IQGAP2: variants seen among roughly 807,000 people sequenced by gnomAD.
The protein encoded by IQGAP2 is IQ motif containing GTPase activating protein 2.
In IQGAP2, 173 loss-of-function variants were observed where a neutral mutation model predicts 201.3. The observed-to-expected ratio is 0.86, with a 90% CI of 0.76 to 0.98. The LOEUF (loss-of-function observed/expected upper bound fraction) is 0.98. Ranked by LOEUF, IQGAP2 falls within the 50% of genes least tolerant of loss-of-function variation. The pLI is 0.00. For missense variants in IQGAP2, 1,687 were observed against 1,864.8 expected (o/e 0.90, Z 1.76); for synonymous variants, 675 against 673.9 (o/e 1.00, Z -0.03).
rs1357669272 is a variant in IQGAP2, at chr5:76,588,246, A to G, written c.459-660A>G. ...TCAGTGATAAAAGTGGGGAAAGCACATATATTTTTTATAGAATTTAGATGC... is the reference window on the plus strand; with the variant it reads ...TCAGTGATAAAAGTGGGGAAAGCACGTATATTTTTTATAGAATTTAGATGC... On this transcript the variant is annotated intron_variant, in intron 5 of 35. Coordinates refer to ENST00000274364, the MANE Select transcript of IQGAP2 (RefSeq NM_006633.5). Among the ~76,000 whole-genome samples the G allele has an allele frequency of 2.0e-5, 3 of 152,210 alleles. No individual in the cohort carries two copies. The East Asian group carries it at 5.8e-4, about 29-fold the overall frequency.
At chr5:76,589,766 A>G in intron 7 of IQGAP2, 38 bp downstream of exon 7, 1 of 1,115,088 alleles carries the variant, frequency 9.0e-7, no homozygotes. Flanking sequence ...CATGGATGTG[A>G]GACTTACCTG....
At position 76,644,295 on chromosome 5, in the gene IQGAP2, CTTTTTTT is replaced by C. The variant is rs547155944; in HGVS notation, c.2094+3208_2094+3214del. Reference sequence around the variant, plus strand: ...AATGAGACTGCCATTTTTGTAAATCCTTTTTTTTTTTTTTTTTTTTTTGAGACAGAGT... The same window carrying C: ...AATGAGACTGCCATTTTTGTAAATCCTTTTTTTTTTTTTTTGAGACAGAGT... On this transcript the variant is annotated intron_variant, in intron 17 of 35. Transcript: ENST00000274364. Among the ~76,000 whole-genome samples the C allele has an allele frequency of 8.4e-5, 4 of 47,778 alleles. 1 individual carries two copies. Among genetic ancestry groups the C allele is most frequent in the Admixed American group, 2.4e-4 (1 of 4,254 alleles). The allele number at this position is 47,778 out of a possible 152,430, so 31.3% of individuals were successfully genotyped here.
At chr5:76,575,473 A>C (rs1745407250) in intron 4 of IQGAP2, among the ~76,000 whole-genome samples, 1 of 152,176 alleles carries the variant, frequency 6.6e-6, no homozygotes, top group African/African-American at 2.4e-5. Flanking sequence ...TGGGGACCCC[A>C]CCATCCTCCT....
chr5:76,408,968 T>C (rs1203537634), intron 1 of IQGAP2, among the ~76,000 whole-genome samples: 1 of 151,978 alleles, frequency 6.6e-6, no homozygotes, highest in Non-Finnish European at 1.5e-5. Context: ...AATTTTTGTA[T>C]GTTTTAGTAG....
At chr5:76,541,079 G>C (rs1389838250) in intron 2 of IQGAP2, among the ~76,000 whole-genome samples, 1 of 151,954 alleles carries the variant, frequency 6.6e-6, no homozygotes, top group African/African-American at 2.4e-5. Context: ...GGACAATCTA[G>C]TGGCATTAAG....
chr5:76,465,132 A>G (rs763038681), intron 2 of IQGAP2, among the ~76,000 whole-genome samples: 6 of 152,222 alleles, frequency 3.9e-5, no homozygotes, highest in Non-Finnish European at 4.4e-5. Flanking sequence ...CTAAAGACCA[A>G]TATCTCTTAT....
At chr5:76,495,674 C>G (rs904627375) in intron 2 of IQGAP2, among the ~76,000 whole-genome samples, 1 of 152,204 alleles carries the variant, frequency 6.6e-6, no homozygotes, top group Non-Finnish European at 1.5e-5. Flanking sequence ...ACGGTGCTTG[C>G]ATCTGCTTCT....
At position 76,460,193 on chromosome 5, in the gene IQGAP2, C is replaced by T. The variant is rs534139879; in HGVS notation, c.47-1377C>T. ...GTAATAAAAATGTGAACTAAAGTGC[C>T]AAGGAGAGCCAATGGATTTAGATTC... On this transcript the variant is annotated intron_variant, in intron 1 of 35. Coordinates refer to ENST00000274364, the MANE Select transcript of IQGAP2 (RefSeq NM_006633.5). Among the ~76,000 whole-genome samples the T allele has an allele frequency of 3.9e-4, 59 of 152,220 alleles. 2 individuals are homozygous for T. In the South Asian group the frequency reaches 0.011, roughly 28 times the overall value.
At chr5:76,635,986 G>T (rs1039318015) in intron 15 of IQGAP2, among the ~76,000 whole-genome samples, 3 of 152,198 alleles carry the variant, frequency 2.0e-5, no homozygotes, top group Admixed American at 6.5e-5. Flanking sequence ...CAGCTGTCTG[G>T]CTGCCCATTG....
chr5:76,533,437 CT>C (rs752960771), intron 2 of IQGAP2, among the ~76,000 whole-genome samples: 7 of 152,020 alleles, frequency 4.6e-5, no homozygotes, highest in Non-Finnish European at 7.4e-5. Flanking sequence ...CACCATTTTA[CT>C]TTTCTTTACT....
chr5:76,428,290 TG>T (rs1197314762), intron 1 of IQGAP2, among the ~76,000 whole-genome samples: 1 of 152,034 alleles, frequency 6.6e-6, no homozygotes, highest in Non-Finnish European at 1.5e-5. Flanking sequence ...ATGGGTCTGC[TG>T]GGTACCTGGG....
intron 2 of IQGAP2, among the ~76,000 whole-genome samples, chr5:76,520,700 CTTTT>C (rs5868829): frequency 7.3e-5 from 8 of 109,234 alleles, no homozygotes; most frequent in African/African-American, 2.9e-4. Flanking sequence ...GGTCTCTCCT[CTTTT>C]TTTTTTTTTT....
intron 24 of IQGAP2, among the ~76,000 whole-genome samples, chr5:76,672,689 A>G (rs1007011164): frequency 1.3e-5 from 2 of 152,200 alleles, no homozygotes; most frequent in South Asian, 4.1e-4. Context: ...TGCTCATTAC[A>G]TACGCCACAC....
At chr5:76,641,341 G>C (rs1020391594) in intron 17 of IQGAP2, among the ~76,000 whole-genome samples, 31 of 152,308 alleles carry the variant, frequency 2.0e-4, no homozygotes, top group African/African-American at 7.0e-4. Context: ...GATTTGCACA[G>C]ATCCACCTGC....
chr5:76,475,531 C>G (rs892178786), intron 2 of IQGAP2, among the ~76,000 whole-genome samples: 2 of 152,140 alleles, frequency 1.3e-5, no homozygotes, highest in Admixed American at 1.3e-4. Context: ...TACCAAAGAT[C>G]GAGACCCACC....
chr5:76,482,412 T>G (rs1755845823), intron 2 of IQGAP2, among the ~76,000 whole-genome samples: 2 of 152,226 alleles, frequency 1.3e-5, no homozygotes, highest in Non-Finnish European at 2.9e-5. Context: ...AATAAAGGAC[T>G]TGATGGACTG....
intron 15 of IQGAP2, among the ~76,000 whole-genome samples, chr5:76,635,380 A>G (rs1253139386): frequency 6.6e-6 from 1 of 152,158 alleles, no homozygotes; most frequent in African/African-American, 2.4e-5. Flanking sequence ...ACCATTGGTG[A>G]TTGTCTTTTA....
chr5:76,577,423 A>AT (rs1745543572), intron 5 of IQGAP2, among the ~76,000 whole-genome samples: 1 of 152,220 alleles, frequency 6.6e-6, no homozygotes, highest in Non-Finnish European at 1.5e-5. Flanking sequence ...GTTATTCATC[A>AT]TAGACATCTC....
At chr5:76,588,021 A>G (rs780430872) in intron 5 of IQGAP2, among the ~76,000 whole-genome samples, 9 of 152,092 alleles carry the variant, frequency 5.9e-5, no homozygotes, top group South Asian at 4.1e-4. Context: ...ATGACTAATC[A>G]TACATTTTAA....
Sources: allele counts gnomAD v4.1 joint callset (sites outside exome capture counted in the v4.1 genomes callset), GRCh38; gene constraint gnomAD v4.1.1; transcripts MANE v1.5; gene names NCBI Gene and HGNC (gene_info 2026-07-23, HGNC 2026-07-21).